The following ADGRL3 variants were observed in gnomAD, a reference collection of about 807,000 sequenced individuals.
ADGRL3 encodes the protein calcium-independent alpha-latrotoxin receptor 3.
In ADGRL3, 62 loss-of-function variants were observed where a neutral mutation model predicts 153.5. That is an observed-to-expected ratio of 0.40 (90% confidence interval 0.33 to 0.50). The LOEUF (loss-of-function observed/expected upper bound fraction) is 0.50. ADGRL3 is among the 20% of genes least tolerant of loss of function. The pLI, the probability that ADGRL3 is intolerant of heterozygous loss-of-function variation, is 0.47. For synonymous variants in ADGRL3, 710 were observed against 672.5 expected, an observed-to-expected ratio of 1.06 and a Z score of -0.86; for missense variants, 1,641 against 1,859.4, an observed-to-expected ratio of 0.88 and a Z score of 2.16.
rs370182414 is a variant in ADGRL3 at position 61,717,054 on chromosome 4, C to T, written c.584-13568C>T. Among the ~76,000 whole-genome samples the T allele has an allele frequency of 1.6e-4, 24 of 152,090 alleles. No individual in the cohort carries two copies. The South Asian group carries it at 3.1e-3, about 20-fold the overall frequency. Reference sequence around the variant, plus strand: ...TGAACTGATGTTAAGGAGAGACTTGCGGGTTAAGATGTAATTGTTTGTGGT... The same window carrying T: ...TGAACTGATGTTAAGGAGAGACTTGTGGGTTAAGATGTAATTGTTTGTGGT... On this transcript the variant is annotated intron_variant, in intron 6 of 26. Coordinates refer to ENST00000683033, the MANE Select transcript of ADGRL3 (RefSeq NM_001387552.1).
chr4:61,761,842 G>C (rs1018938460), intron 8 of ADGRL3, among the ~76,000 whole-genome samples: 1 of 152,178 alleles, frequency 6.6e-6, no homozygotes, highest in African/African-American at 2.4e-5. Flanking sequence ...GACGTGAGAG[G>C]AGTGCTTGTG....
intron 18 of ADGRL3, among the ~76,000 whole-genome samples, chr4:61,982,553 G>A (rs2099072195): frequency 3.3e-5 from 5 of 152,052 alleles, no homozygotes; most frequent in Admixed American, 3.3e-4. Context: ...TTTTAGTCAG[G>A]GTTTCCTATA....
chr4:61,979,551 T>A lies in ADGRL3; in HGVS notation c.2806-12T>A. 6.2e-7 allele frequency: 1 copy of A among 1,612,032 alleles called. No individual in the cohort carries two copies. On this transcript the variant is annotated splice_polypyrimidine_tract_variant and intron_variant, in intron 17 of 26. Coordinates refer to ENST00000683033, the MANE Select transcript of ADGRL3 (RefSeq NM_001387552.1). ...ATAAGCGCAACTTATGGCTTTTTCATTGTGTTTCCAGCACAGTGATGCGGT... is the reference window on the plus strand; with the variant it reads ...ATAAGCGCAACTTATGGCTTTTTCAATGTGTTTCCAGCACAGTGATGCGGT...
chr4:61,959,045 A>G (rs989247429), intron 17 of ADGRL3, among the ~76,000 whole-genome samples: 1 of 152,210 alleles, frequency 6.6e-6, no homozygotes, highest in Non-Finnish European at 1.5e-5. Flanking sequence ...TGTATACTTA[A>G]CTGAGTTATA....
At chr4:61,595,756 T>A (rs2149454872) in intron 5 of ADGRL3, among the ~76,000 whole-genome samples, 1 of 152,120 alleles carries the variant, frequency 6.6e-6, no homozygotes, top group East Asian at 2.0e-4. Context: ...GTCCCAAATC[T>A]CCTTTCAAGT....
intron 12 of ADGRL3, among the ~76,000 whole-genome samples, chr4:61,911,724 T>TCATTGAAGAATG (rs1205519501): frequency 1.3e-5 from 2 of 152,118 alleles, no homozygotes; most frequent in Non-Finnish European, 2.9e-5. Context: ...TGCTCTATGC[T>TCATTGAAGAATG]CATTGAAGAA....
intron 1 of ADGRL3, among the ~76,000 whole-genome samples, chr4:61,381,578 T>A (rs1444619436): frequency 1.3e-5 from 2 of 151,880 alleles, no homozygotes; most frequent in Non-Finnish European, 2.9e-5. Flanking sequence ...GGGAGAACTT[T>A]GTGAAATTAG....
chr4:61,917,376 T>A (rs1364100531), intron 13 of ADGRL3, among the ~76,000 whole-genome samples: 1 of 152,190 alleles, frequency 6.6e-6, no homozygotes, highest in Non-Finnish European at 1.5e-5. Flanking sequence ...TAAAATGGTA[T>A]GTGATAATTA....
chr4:61,835,862 C>T (rs968291226), intron 9 of ADGRL3, among the ~76,000 whole-genome samples: 2 of 152,142 alleles, frequency 1.3e-5, no homozygotes, highest in Non-Finnish European at 1.5e-5. Context: ...CAGCATTGGG[C>T]AGTTTCTATT....
intron 21 of ADGRL3, among the ~76,000 whole-genome samples, chr4:62,025,434 G>A (rs1024180562): frequency 2.2e-4 from 34 of 152,014 alleles, no homozygotes; most frequent in African/African-American, 8.2e-4. Context: ...GGTCTTGTTT[G>A]TCCCCTTGCA....
chr4:61,729,056 A>AGAGG (rs2096395862), intron 6 of ADGRL3, among the ~76,000 whole-genome samples: 1 of 151,772 alleles, frequency 6.6e-6, no homozygotes, highest in African/African-American at 2.4e-5. Flanking sequence ...ATATTTGTAG[A>AGAGG]GAGGGAGGGA....
intron 6 of ADGRL3, among the ~76,000 whole-genome samples, chr4:61,695,971 C>T (rs776779885): frequency 1.4e-4 from 22 of 152,136 alleles, no homozygotes; most frequent in Non-Finnish European, 2.9e-4. Context: ...CTCTCTCAGC[C>T]TTCACAGAAA....
chr4:61,585,689 T>G (rs1317923309), intron 4 of ADGRL3, among the ~76,000 whole-genome samples: 1 of 152,010 alleles, frequency 6.6e-6, no homozygotes, highest in Non-Finnish European at 1.5e-5. Flanking sequence ...TTAAATTACA[T>G]GCTTATAAAA....
intron 25 of ADGRL3, among the ~76,000 whole-genome samples, chr4:62,057,762 C>T (rs1038680425): frequency 1.3e-5 from 2 of 152,174 alleles, no homozygotes; most frequent in Non-Finnish European, 2.9e-5. Flanking sequence ...ACTGCAACCT[C>T]TGCCTCCCAG....
chr4:61,976,918 T>A (rs2099050136), intron 17 of ADGRL3, among the ~76,000 whole-genome samples: 1 of 152,174 alleles, frequency 6.6e-6, no homozygotes, highest in Non-Finnish European at 1.5e-5. Context: ...AGTATTGAGT[T>A]GTATTTGATG....
chr4:61,561,276 C>T (rs2098793929), intron 4 of ADGRL3, among the ~76,000 whole-genome samples: 1 of 152,136 alleles, frequency 6.6e-6, no homozygotes. Context: ...AGAATGGATT[C>T]CATACCCAAT....
intron 5 of ADGRL3, among the ~76,000 whole-genome samples, chr4:61,599,714 C>T (rs1221037773): frequency 6.6e-6 from 1 of 152,076 alleles, no homozygotes; most frequent in Non-Finnish European, 1.5e-5. Context: ...TATGGCTAGC[C>T]TTGGGGAAAA....
chr4:61,354,165 A>G (rs2096115013), intron 1 of ADGRL3, among the ~76,000 whole-genome samples: 1 of 152,178 alleles, frequency 6.6e-6, no homozygotes, highest in South Asian at 2.1e-4. Context: ...TAATAATATA[A>G]TCTCATTTCA....
At chr4:61,936,851 T>C (rs2098841226) in intron 15 of ADGRL3, among the ~76,000 whole-genome samples, 1 of 150,334 alleles carries the variant, frequency 6.7e-6, no homozygotes, top group Admixed American at 6.6e-5. Flanking sequence ...AGGGAGATCA[T>C]TTAATCTGCC....
Sources: allele counts gnomAD v4.1 joint callset (sites outside exome capture counted in the v4.1 genomes callset), GRCh38; gene constraint gnomAD v4.1.1; transcripts MANE v1.5; gene names NCBI Gene and HGNC (gene_info 2026-07-23, HGNC 2026-07-21).